SEPTIN3: variants seen among roughly 807,000 people sequenced by gnomAD.
The protein encoded by SEPTIN3 is neuronal-specific septin-3.
In SEPTIN3, 15 loss-of-function variants were observed where a neutral mutation model predicts 45.1. The observed-to-expected ratio is 0.33, with a 90% CI of 0.22 to 0.51. The LOEUF (loss-of-function observed/expected upper bound fraction) is 0.51. Among genes scored for constraint, SEPTIN3 ranks in the 20% least tolerant of loss-of-function variants. The pLI, the probability that SEPTIN3 is intolerant of heterozygous loss-of-function variation, is 0.97. For missense variants in SEPTIN3, 289 were observed against 457.2 expected, an observed-to-expected ratio of 0.63 and a Z score of 3.35; for synonymous variants, 148 against 164.8, an observed-to-expected ratio of 0.90 and a Z score of 0.78.
At chr22:41,977,981 C>G (rs1404107479) in intron 2 of SEPTIN3, among the ~76,000 whole-genome samples, 1 of 152,084 alleles carries the variant, frequency 6.6e-6, no homozygotes, top group Non-Finnish European at 1.5e-5. Flanking sequence ...TCCAGGGGCC[C>G]TAGGAGAGCC....
chr22:41,994,701 G>A lies in SEPTIN3; in HGVS notation c.2492G>A (p.Gly831Glu), dbSNP rs2078394310. The part of the protein sequence containing the change: ...TYRAKRLNDN[G>E]GLPPGEGLLG... The stretch of plus-strand genomic sequence containing the variant: ...AGGGCCAAGCGGCTCAATGACAATG[G>A]AGGCCTCCCTCCGGTGAGCGTGGAC... Residue 831 changes from glycine to glutamate, a missense_variant, in exon 11 of 12, where the codon GGA becomes GAA. By Grantham distance (98) the Gly-to-Glu change is moderately conservative. Transcript: ENST00000644076. The surrounding 1 kb of genome is among the most constrained non-coding windows in gnomAD (Gnocchi z 4.2). The A allele has an allele frequency of 6.2e-7, 1 of 1,614,022 alleles. No homozygotes were observed. The highest frequency in any genetic ancestry group is 1.3e-5 in the African/African-American group (1 of 74,916).
rs925408282 is a variant in SEPTIN3, at chr22:41,972,899, G to A, written c.1407G>A (p.Met469Ile). ...CAGACGTTGCTACATGCCTGCTAAT[G>A]CCAAGCAGATCCACAGACCTAGCCC... is the stretch of plus-strand genomic sequence containing the variant. ...TISDVATCLL[M>I]PSRSTDLALD... is the part of the protein sequence containing the mutation. Residue 469 changes from methionine (M) to isoleucine (I), a missense_variant, in exon 2 of 12, where the codon ATG (methionine) becomes ATA (isoleucine). Met to Ile is a conservative substitution (Grantham distance 10). Coordinates refer to ENST00000644076, the MANE Select transcript of SEPTIN3 (RefSeq NM_001363845.2). The A allele has an allele frequency of 5.0e-6, 2 of 399,138 alleles. No homozygotes were observed. The highest frequency in any genetic ancestry group is 3.6e-5 in the East Asian group (1 of 28,106). The allele number at this position is 399,138 out of a possible 1,614,324, so 24.7% of individuals were successfully genotyped here.
chr22:41,983,727 A>G (rs1456361081), intron 3 of SEPTIN3, among the ~76,000 whole-genome samples: 1 of 152,216 alleles, frequency 6.6e-6, no homozygotes, highest in East Asian at 1.9e-4. Flanking sequence ...GCATTTCTCC[A>G]GAAGTCTTCC....
chr22:41,996,388 C>T, intron 11 of SEPTIN3: 1 of 985,922 alleles, frequency 1.0e-6, no homozygotes, highest in Non-Finnish European at 1.2e-6. Context: ...TGTCCCATCT[C>T]CTGGTTCAGC....
In SEPTIN3 at chr22:41,981,378, T is replaced by C. The variant is rs898672617; in HGVS notation, c.1505-267T>C. On this transcript the variant is annotated intron_variant, in intron 2 of 11. Transcript: ENST00000644076. ...AGATGTGGGCTTCAGAGCAGTGAGGTGCATTTGAAAGTGCCCAGCAACCAG... is the reference window on the plus strand; with the variant it reads ...AGATGTGGGCTTCAGAGCAGTGAGGCGCATTTGAAAGTGCCCAGCAACCAG... 7.1e-6 allele frequency: 3 copies of C among 424,846 alleles called. No homozygotes were observed. The Admixed American group carries it at 1.1e-4, about 16-fold the overall frequency. The allele number at this position is 424,846 out of a possible 1,614,324, so 26.3% of individuals were successfully genotyped here. A position where few individuals can be genotyped will look rare whatever the true frequency, so the allele number is the denominator to read the frequency against.
rs1304608908 is a variant in SEPTIN3, at chr22:41,994,702, A to G, written c.2493A>G (p.Gly831=). 4 of 1,614,168 alleles carry G rather than the reference A, an allele frequency of 2.5e-6. No individual in the cohort carries two copies. The highest frequency in any genetic ancestry group is 3.4e-6 in the Non-Finnish European group (4 of 1,180,034). ...GGGCCAAGCGGCTCAATGACAATGG[A>G]GGCCTCCCTCCGGTGAGCGTGGACA... The part of the protein sequence containing the change: ...TYRAKRLNDN[G]GLPPGEGLLG... Residue 831 remains glycine, a synonymous_variant, in exon 11 of 12, where the codon GGA becomes GGG. Transcript: ENST00000644076. This position sits in a 1 kb window ranked among gnomAD's most constrained non-coding sequence, Gnocchi z 4.2.
At chr22:41,982,891 CAAAAAAAAAAGAAGA>C (rs2078144548) in intron 3 of SEPTIN3, among the ~76,000 whole-genome samples, 1 of 134,866 alleles carries the variant, frequency 7.4e-6, no homozygotes, top group Non-Finnish European at 1.6e-5. Flanking sequence ...AACTCCATCT[CAAAAAAAAAAGAAGA>C]AAAAAAAAAG....
intron 1 of SEPTIN3, 114 bp from the exon 2 acceptor site, chr22:41,971,360 C>T (rs1043539797): frequency 1.7e-4 from 67 of 397,802 alleles, no homozygotes; most frequent in Non-Finnish European, 2.5e-4. Flanking sequence ...TCCCCAGAAC[C>T]AGGCCCCTTC....
intron 7 of SEPTIN3, 116 bp from the exon 8 acceptor site, chr22:41,991,457 G>A (rs1238389368): frequency 1.3e-6 from 1 of 749,052 alleles, no homozygotes; most frequent in South Asian, 1.5e-5. Context: ...AGATGACTGT[G>A]GATTATCCAA....
In SEPTIN3 at chr22:41,981,103, C is replaced by T. The variant is rs565966218; in HGVS notation, c.1505-542C>T. Among the ~76,000 whole-genome samples, 11 of 152,272 alleles carry T rather than the reference C, an allele frequency of 7.2e-5. No homozygotes were observed. The East Asian group carries it at 9.6e-4, about 13-fold the overall frequency. On this transcript the variant is annotated intron_variant, in intron 2 of 11. Transcript: ENST00000644076. Reference sequence around the variant, plus strand: ...TCCTAAAAAGTCTTTGCCCTTTATTCGGGGAGGGAGGCATGACTCAGGTCT... The same window carrying T: ...TCCTAAAAAGTCTTTGCCCTTTATTTGGGGAGGGAGGCATGACTCAGGTCT...
intron 3 of SEPTIN3, 25 bp downstream of exon 3, chr22:41,981,861 C>T (rs767196035): frequency 1.2e-6 from 2 of 1,604,306 alleles, no homozygotes; most frequent in Non-Finnish European, 1.7e-6. Context: ...GGGGCTGCTG[C>T]AGGCCTGGTG....
intron 9 of SEPTIN3, 39 bp downstream of exon 9, chr22:41,992,802 C>A: frequency 7.6e-7 from 1 of 1,322,242 alleles, no homozygotes; most frequent in South Asian, 1.2e-5. Context: ...GGTTGCTGAT[C>A]AGTTATCCAG....
chr22:41,991,682 G>T lies in SEPTIN3; in HGVS notation c.2259+14G>T, dbSNP rs763274289. On this transcript the variant is annotated intron_variant, in intron 8 of 11. Coordinates refer to ENST00000644076, the MANE Select transcript of SEPTIN3 (RefSeq NM_001363845.2). The stretch of plus-strand genomic sequence containing the variant: ...GACAAAATCAGGGTGGGTGCCTGGG[G>T]CACTGCTCCTCCACTGATGCCCCCT... 5 of 1,547,858 alleles carry T rather than the reference G, an allele frequency of 3.2e-6. No homozygotes were observed. In the African/African-American group the frequency reaches 6.8e-5, roughly 21 times the overall value.
chr22:41,984,858 T>C (rs1379740778), intron 3 of SEPTIN3, among the ~76,000 whole-genome samples: 1 of 69,104 alleles, frequency 1.4e-5, no homozygotes, highest in Non-Finnish European at 3.5e-5. Context: ...TTTTTTTTTT[T>C]TTTTTTTTTT....
intron 8 of SEPTIN3, 87 bp downstream of exon 8, chr22:41,991,755 C>T (rs1399867641): frequency 2.1e-6 from 2 of 935,004 alleles, no homozygotes; most frequent in Non-Finnish European, 3.5e-6. Flanking sequence ...CTGTCTTTTC[C>T]CTTTCTGTAC....
At chr22:41,992,517 G>A in intron 8 of SEPTIN3, 147 bp from the exon 9 acceptor site, 1 of 582,772 alleles carries the variant, frequency 1.7e-6, no homozygotes, top group Non-Finnish European at 3.1e-6. Context: ...ACTGAGCCTT[G>A]CCCTTGCCAT....
Position 41,994,332 on chromosome 22 carries a change from T to G in SEPTIN3, c.2402T>G (p.Phe801Cys). The G allele has an allele frequency of 6.2e-7, 1 of 1,614,082 alleles. No homozygotes were observed. Among genetic ancestry groups the G allele is most frequent in the Non-Finnish European group, 8.5e-7 (1 of 1,180,032 alleles). ...NHCEFALLRDFVIRTHLQDLK... is the reference protein window; with the variant it reads ...NHCEFALLRDCVIRTHLQDLK... ...TGTGAGTTTGCCCTGCTTCGAGACT[T>G]TGTCATCAGGTAAGATGTCTCCCCT... Residue 801 changes from phenylalanine (F) to cysteine (C), a missense_variant, in exon 10 of 12, where the codon TTT (phenylalanine) becomes TGT (cysteine). Transcript: ENST00000644076. The surrounding 1 kb of genome is among the most constrained non-coding windows in gnomAD (Gnocchi z 4.2).
At chr22:41,996,521 G>A (rs2078441160) in intron 11 of SEPTIN3, 1 of 1,012,276 alleles carries the variant, frequency 9.9e-7, no homozygotes, top group East Asian at 9.5e-5. Flanking sequence ...GAGAAAGGGG[G>A]GCGGTGATCA....
intron 3 of SEPTIN3, among the ~76,000 whole-genome samples, chr22:41,983,716 T>G (rs1394599867): frequency 6.6e-6 from 1 of 152,200 alleles, no homozygotes. Flanking sequence ...TCAGCTTAGT[T>G]GCATTTCTCC....
Sources: gnomAD v4.1 joint callset for allele counts (sites outside exome capture counted in the v4.1 genomes callset) on GRCh38, gnomAD v4.1.1 for gene constraint, Gnocchi (gnomAD v3.1) non-coding constraint, MANE v1.5 for transcripts, NCBI Gene and HGNC (gene_info 2026-07-23, HGNC 2026-07-21) for gene names.